The following CAMTA1 variants were observed in gnomAD, a reference collection of about 807,000 sequenced individuals.
The protein encoded by CAMTA1 is calmodulin-binding transcription activator 1.
A neutral mutation model predicts 170.9 loss-of-function variants in CAMTA1; 27 were observed. The observed-to-expected ratio is 0.16, with a 90% CI of 0.12 to 0.22. The LOEUF (loss-of-function observed/expected upper bound fraction) is 0.22, where lower values mean the gene tolerates loss of function less well. Among genes scored for constraint, CAMTA1 ranks in the 10% least tolerant of loss-of-function variants. CAMTA1 has a pLI of 1.00. For synonymous variants in CAMTA1, 833 were observed against 891.5 expected, an observed-to-expected ratio of 0.93 and a Z score of 1.17; for missense variants, 1,619 against 2,217.2, an observed-to-expected ratio of 0.73 and a Z score of 5.42.
chr1:7,410,406 C>T (rs1488966019), intron 5 of CAMTA1, among the ~76,000 whole-genome samples: 6 of 152,240 alleles, frequency 3.9e-5, no homozygotes, highest in South Asian at 2.1e-4. Context: ...GGGCCCCTCC[C>T]GCCTGTCGTC....
intron 4 of CAMTA1, among the ~76,000 whole-genome samples, chr1:7,098,211 G>A (rs1183163370): frequency 2.6e-5 from 4 of 152,202 alleles, no homozygotes; most frequent in South Asian, 4.1e-4. Flanking sequence ...TAGATTTAGA[G>A]CATTTTAGGA....
At position 7,745,859 on chromosome 1, in the gene CAMTA1, A is replaced by G. The variant is rs1219356974; in HGVS notation, c.4385A>G (p.Glu1462Gly). ...TCTTGTTTCAGAAGTGCATATAACG[A>G]GCCTCTAACCCCTTCTTCTAATACC... ...SAAQIRSAYN[E>G]PLTPSSNTSL... The change falls in exon 18 of 23, where the codon GAG (glutamate) becomes GGG (glycine). Residue 1462 changes from glutamate to glycine, a missense_variant. Glu to Gly is a moderately conservative substitution (Grantham distance 98, BLOSUM62 -2). Coordinates refer to ENST00000303635, the MANE Select transcript of CAMTA1 (RefSeq NM_015215.4). The G allele has an allele frequency of 1.2e-6, 2 of 1,614,222 alleles. No homozygotes were observed. The highest frequency in any genetic ancestry group is 2.2e-5 in the South Asian group (2 of 91,084).
intron 6 of CAMTA1, among the ~76,000 whole-genome samples, chr1:7,474,397 G>T (rs1447507254): frequency 1.3e-5 from 2 of 151,728 alleles, no homozygotes; most frequent in African/African-American, 4.9e-5. Context: ...GCCAACAGCA[G>T]CATGGAATAC....
At position 7,071,216 on chromosome 1, in the gene CAMTA1, G is replaced by A. The variant is rs1558054928; in HGVS notation, c.235-20088G>A. On this transcript the variant is annotated intron_variant, in intron 3 of 22. Coordinates refer to ENST00000303635, the MANE Select transcript of CAMTA1 (RefSeq NM_015215.4). ...GGACGTGTTTCTTCTGACCTTGATG[G>A]GGCCATGTCCCCTCTATTTGTAATC... 4.6e-5 allele frequency among the ~76,000 whole-genome samples: 7 copies of A among 152,316 alleles called. No homozygotes were observed. In the South Asian group the frequency reaches 1.2e-3, roughly 27 times the overall value.
intron 1 of CAMTA1, among the ~76,000 whole-genome samples, chr1:6,802,552 A>G (rs898060076): frequency 6.6e-6 from 1 of 152,188 alleles, no homozygotes; most frequent in African/African-American, 2.4e-5. Flanking sequence ...ACAGTGTAAA[A>G]GAAAAGATAT....
intron 6 of CAMTA1, among the ~76,000 whole-genome samples, chr1:7,622,989 C>A (rs930630563): frequency 1.3e-5 from 2 of 152,230 alleles, no homozygotes; most frequent in Non-Finnish European, 2.9e-5. Context: ...CTTTCCTCTC[C>A]CAGAGCTCCC....
At chr1:6,902,431 T>C (rs1464282213) in intron 3 of CAMTA1, among the ~76,000 whole-genome samples, 1 of 152,140 alleles carries the variant, frequency 6.6e-6, no homozygotes. Context: ...TGCATTATGA[T>C]TAGTGAGAAG....
intron 11 of CAMTA1, among the ~76,000 whole-genome samples, chr1:7,716,822 T>C (rs1361791155): frequency 6.6e-6 from 1 of 152,236 alleles, no homozygotes; most frequent in Non-Finnish European, 1.5e-5. Context: ...TCTGCACTCC[T>C]GTGTTTATTG....
chr1:6,904,552 CTTTT>C (rs1196529275), intron 3 of CAMTA1, among the ~76,000 whole-genome samples: 2 of 140,548 alleles, frequency 1.4e-5, no homozygotes, highest in African/African-American at 5.2e-5. Context: ...TTCTTTCTTT[CTTTT>C]TTTTTTTTTA....
At chr1:7,185,447 T>A (rs964800883) in intron 4 of CAMTA1, among the ~76,000 whole-genome samples, 1 of 152,140 alleles carries the variant, frequency 6.6e-6, no homozygotes, top group African/African-American at 2.4e-5. Flanking sequence ...CAACTACTGG[T>A]CAGAGCTGTA....
intron 3 of CAMTA1, among the ~76,000 whole-genome samples, chr1:6,869,564 T>C (rs1012913233): frequency 6.6e-6 from 1 of 152,220 alleles, no homozygotes; most frequent in Non-Finnish European, 1.5e-5. Flanking sequence ...TATTAAATTA[T>C]ATTCCAGGTT....
At chr1:6,873,063 G>A (rs577667169) in intron 3 of CAMTA1, among the ~76,000 whole-genome samples, 12 of 152,270 alleles carry the variant, frequency 7.9e-5, no homozygotes, top group Non-Finnish European at 1.5e-4. Context: ...GCTTGTTCTT[G>A]CCTAGTATAC....
intron 3 of CAMTA1, among the ~76,000 whole-genome samples, chr1:6,975,938 A>T (rs186672247): frequency 2.4e-4 from 36 of 152,228 alleles, no homozygotes; most frequent in African/African-American, 8.2e-4. Flanking sequence ...TCTTTCACTC[A>T]GTGTCATGAT....
At chr1:6,836,340 G>A (rs1243066015) in intron 3 of CAMTA1, among the ~76,000 whole-genome samples, 1 of 152,210 alleles carries the variant, frequency 6.6e-6, no homozygotes, top group East Asian at 1.9e-4. Flanking sequence ...AGAAATGTGT[G>A]TTTGGGAGAG....
At chr1:7,031,834 C>G (rs1351909686) in intron 3 of CAMTA1, among the ~76,000 whole-genome samples, 1 of 152,110 alleles carries the variant, frequency 6.6e-6, no homozygotes, top group Non-Finnish European at 1.5e-5. Flanking sequence ...AGTCACCACG[C>G]CCAGCCAATC....
intron 11 of CAMTA1, among the ~76,000 whole-genome samples, chr1:7,728,680 G>C (rs2096709550): frequency 6.6e-6 from 1 of 152,224 alleles, no homozygotes; most frequent in Non-Finnish European, 1.5e-5. Flanking sequence ...AAGCAGAGGA[G>C]TTTATAATAT....
intron 5 of CAMTA1, among the ~76,000 whole-genome samples, chr1:7,326,600 G>A (rs963736189): frequency 2.6e-5 from 4 of 152,202 alleles, no homozygotes; most frequent in African/African-American, 9.6e-5. Context: ...AAGGCAGAGA[G>A]TGGAATGATG....
At chr1:7,705,638 C>T (rs7514076) in intron 11 of CAMTA1, among the ~76,000 whole-genome samples, 15,790 of 152,048 alleles carry the variant, frequency 0.1, 1,152 homozygotes, top group Non-Finnish European at 0.15. Flanking sequence ...GCCTCCTTCC[C>T]GCGGCGGGGC....
At chr1:6,907,476 G>C (rs1015675647) in intron 3 of CAMTA1, among the ~76,000 whole-genome samples, 4 of 152,144 alleles carry the variant, frequency 2.6e-5, no homozygotes, top group African/African-American at 9.7e-5. Context: ...TCCCCAGCAG[G>C]GCATGCTCCT....
Sources: gnomAD v4.1 joint callset for allele counts (sites outside exome capture counted in the v4.1 genomes callset) on GRCh38, gnomAD v4.1.1 for gene constraint, MANE v1.5 for transcripts, NCBI Gene and HGNC (gene_info 2026-07-23, HGNC 2026-07-21) for gene names.